Variants in ARHGEF18 observed in about 807,000 individuals in gnomAD.
The protein encoded by ARHGEF18 is rho guanine nucleotide exchange factor 18.
A neutral mutation model predicts 155.7 loss-of-function variants in ARHGEF18; 93 were observed. The ratio of observed to expected loss-of-function variants is 0.60; its 90% CI spans 0.50 to 0.71. The LOEUF (loss-of-function observed/expected upper bound fraction) is 0.71, where lower values mean the gene tolerates loss of function less well. Ranked by LOEUF, ARHGEF18 falls within the 30% of genes least tolerant of loss-of-function variation. The pLI, the probability that ARHGEF18 is intolerant of heterozygous loss-of-function variation, is 0.00. For synonymous variants in ARHGEF18, 742 were observed against 753.1 expected, an observed-to-expected ratio of 0.99 and a Z score of 0.24; for missense variants, 1,593 against 1,816.1, an observed-to-expected ratio of 0.88 and a Z score of 2.23.
Position 7,393,833 on chromosome 19 carries a change from C to T in ARHGEF18, c.967+10630C>T, listed in dbSNP as rs578059588. On this transcript the variant is annotated intron_variant, in intron 10 of 28. Transcript: ENST00000668164. ...ATGTGTTTGGGGGTATCTGCTGGAC[C>T]TATGTGGAGTGTCTGACATATTTGG... Among the ~76,000 whole-genome samples, 5 of 147,912 alleles carry T rather than the reference C, an allele frequency of 3.4e-5. No individual in the cohort carries two copies. The Admixed American group carries it at 3.4e-4, about 10-fold the overall frequency.
chr19:7,478,589 G>A, the ARHGEF18 span, among the ~76,000 whole-genome samples: 3 of 152,060 alleles, frequency 2.0e-5, no homozygotes, highest in East Asian at 1.9e-4. Context: ...CCGGGACATC[G>A]TCCTGCACTT....
In ARHGEF18 at chr19:7,401,073, A is replaced by G. The variant is rs192622429; in HGVS notation, c.967+17870A>G. Among the ~76,000 whole-genome samples the G allele has an allele frequency of 1.1e-4, 16 of 152,260 alleles. No individual in the cohort carries two copies. The East Asian group carries it at 1.7e-3, about 17-fold the overall frequency. ...ATAGTAAGTTGGGAAGTTATCCACA[A>G]TGGGGATTACTGGACTCATTAGTTC... On this transcript the variant is annotated intron_variant, in intron 10 of 28. Transcript: ENST00000668164.
intron 17 of ARHGEF18, among the ~76,000 whole-genome samples, chr19:7,454,475 C>T (rs958605328): frequency 4.0e-5 from 6 of 151,026 alleles, no homozygotes; most frequent in African/African-American, 1.5e-4. Context: ...GGTGCCATCT[C>T]GGACTGGTGG....
At chr19:7,402,010 C>T (rs1373341295) in intron 10 of ARHGEF18, among the ~76,000 whole-genome samples, 1 of 152,180 alleles carries the variant, frequency 6.6e-6, no homozygotes, top group East Asian at 1.9e-4. Flanking sequence ...ATGTATACAA[C>T]AGGCAAATCC....
intron 16 of ARHGEF18, 65 bp downstream of exon 16, chr19:7,451,331 C>A: frequency 7.2e-7 from 1 of 1,383,550 alleles, no homozygotes; most frequent in Non-Finnish European, 1.0e-6. Flanking sequence ...CTCCGTGTAC[C>A]CACTCCCTAT....
intron 10 of ARHGEF18, among the ~76,000 whole-genome samples, chr19:7,396,835 A>G: frequency 6.6e-6 from 1 of 152,122 alleles, no homozygotes; most frequent in East Asian, 1.9e-4. Flanking sequence ...CCATCTTTAA[A>G]ATGGGAATAA....
intron 2 of ARHGEF18, among the ~76,000 whole-genome samples, chr19:7,370,723 A>G (rs1233096586): frequency 6.6e-6 from 1 of 152,044 alleles, no homozygotes; most frequent in Non-Finnish European, 1.5e-5. Context: ...CCATCCACAC[A>G]ATGGAATACA....
At chr19:7,412,948 T>G (rs1972781905) in intron 10 of ARHGEF18, among the ~76,000 whole-genome samples, 1 of 152,190 alleles carries the variant, frequency 6.6e-6, no homozygotes, top group Admixed American at 6.6e-5. Flanking sequence ...ATTGTTGAGT[T>G]GGAGGAGTCC....
chr19:7,375,879 A>G lies in ARHGEF18; in HGVS notation c.426+9A>G, dbSNP rs1447787978. The stretch of plus-strand genomic sequence containing the variant: ...CAGAGAGCCCAGGCAAGGTGGGTAT[A>G]ACCTGCAGCCACCCCTGACAATAGC... On this transcript the variant is annotated intron_variant, in intron 4 of 28. Coordinates refer to ENST00000668164, the MANE Select transcript of ARHGEF18 (RefSeq NM_001367823.1). 87 of 1,234,276 alleles carry G rather than the reference A, an allele frequency of 7.0e-5. No individual in the cohort carries two copies. Among genetic ancestry groups the G allele is most frequent in the Non-Finnish European group, 7.6e-5 (75 of 988,216 alleles). The allele number at this position is 1,234,276 out of a possible 1,614,324, so 76.5% of individuals were successfully genotyped here.
intron 10 of ARHGEF18, among the ~76,000 whole-genome samples, chr19:7,412,196 C>G (rs567652074): frequency 2.0e-5 from 3 of 151,824 alleles, no homozygotes; most frequent in Admixed American, 2.0e-4. Flanking sequence ...CCACCACACC[C>G]GGCTAATTTT....
In ARHGEF18 at chr19:7,440,139, A is replaced by G; in HGVS notation, c.968-205A>G. On this transcript the variant is annotated intron_variant, in intron 10 of 28. Coordinates refer to ENST00000668164, the MANE Select transcript of ARHGEF18 (RefSeq NM_001367823.1). The surrounding 1 kb of genome is among the most constrained non-coding windows in gnomAD (Gnocchi z 5.4). ...GCACTCCAAAAGCGGGGACAGGCACAGCGCGCTCCCCGGCCGCCCCGAGCT... is the reference window on the plus strand; with the variant it reads ...GCACTCCAAAAGCGGGGACAGGCACGGCGCGCTCCCCGGCCGCCCCGAGCT... The G allele has an allele frequency of 6.4e-7, 1 of 1,551,168 alleles. No individual in the cohort carries two copies. Among genetic ancestry groups the G allele is most frequent in the Non-Finnish European group, 8.7e-7 (1 of 1,146,914 alleles).
At chr19:7,461,020 C>T (rs1976213692) in intron 20 of ARHGEF18, among the ~76,000 whole-genome samples, 1 of 151,842 alleles carries the variant, frequency 6.6e-6, no homozygotes, top group Non-Finnish European at 1.5e-5. Context: ...ATCTCTCGAC[C>T]TCGTGATCTG....
In ARHGEF18 at chr19:7,444,091, G is replaced by A; in HGVS notation, c.1361-113G>A. On this transcript the variant is annotated intron_variant, in intron 13 of 28. Coordinates refer to ENST00000668164, the MANE Select transcript of ARHGEF18 (RefSeq NM_001367823.1). The surrounding 1 kb of genome is among the most constrained non-coding windows in gnomAD (Gnocchi z 4.7). ...AAGATCCCAAAGGCACAAGGTCTTA[G>A]GCAGAGAACTCTCAGAAGCCAGTTC... 7.2e-7 allele frequency: 1 copy of A among 1,393,456 alleles called. No individual in the cohort carries two copies. The highest frequency in any genetic ancestry group is 9.8e-7 in the Non-Finnish European group (1 of 1,015,774). 86.3% of individuals were successfully genotyped at this position (1,393,456 alleles called of 1,614,324 possible). A position where few individuals can be genotyped will look rare whatever the true frequency, so the allele number is the denominator to read the frequency against.
chr19:7,404,079 AAG>A (rs1409513100), intron 10 of ARHGEF18, among the ~76,000 whole-genome samples: 1 of 152,020 alleles, frequency 6.6e-6, no homozygotes, highest in Non-Finnish European at 1.5e-5. Flanking sequence ...AAAAAAAAAA[AAG>A]AGATCCTCCT....
At chr19:7,427,062 G>C (rs190189279) in intron 10 of ARHGEF18, among the ~76,000 whole-genome samples, 1 of 152,252 alleles carries the variant, frequency 6.6e-6, no homozygotes, top group Admixed American at 6.5e-5. Flanking sequence ...TCGTAAGCTC[G>C]AGGTGGGGAA....
chr19:7,470,545 T>G lies in ARHGEF18; in HGVS notation c.*247T>G. 1 of 405,206 alleles carries G rather than the reference T, an allele frequency of 2.5e-6. No homozygotes were observed. Among genetic ancestry groups the G allele is most frequent in the Non-Finnish European group, 4.3e-6 (1 of 233,064 alleles). The allele number at this position is 405,206 out of a possible 1,614,324, so 25.1% of individuals were successfully genotyped here. ...TTTTTTTTTTCAAAAAGGAAAGTTT[T>G]TAATGGAAAGTTGAGCCAGAACTAA... On this transcript the variant is annotated 3_prime_UTR_variant, in exon 29 of 29. Transcript: ENST00000668164. The surrounding 1 kb of genome is among the most constrained non-coding windows in gnomAD (Gnocchi z 5.9).
chr19:7,413,094 A>C (rs915886349), intron 10 of ARHGEF18, among the ~76,000 whole-genome samples: 1 of 152,016 alleles, frequency 6.6e-6, no homozygotes, highest in Admixed American at 6.6e-5. Context: ...ACCACGTCCC[A>C]CACCATATTT....
At chr19:7,396,733 C>T (rs1484286076) in intron 10 of ARHGEF18, among the ~76,000 whole-genome samples, 1 of 150,964 alleles carries the variant, frequency 6.6e-6, no homozygotes, top group South Asian at 2.1e-4. Context: ...AAAGAAGTGT[C>T]AGGAGCACAG....
At chr19:7,401,869 C>G (rs1040500045) in intron 10 of ARHGEF18, among the ~76,000 whole-genome samples, 1 of 152,092 alleles carries the variant, frequency 6.6e-6, no homozygotes, top group Non-Finnish European at 1.5e-5. Flanking sequence ...AAATGTGGTC[C>G]CGCCATACTG....
Sources: allele counts gnomAD v4.1 joint callset (sites outside exome capture counted in the v4.1 genomes callset), GRCh38; gene constraint gnomAD v4.1.1; non-coding constraint Gnocchi (gnomAD v3.1); transcripts MANE v1.5; gene names NCBI Gene and HGNC (gene_info 2026-07-23, HGNC 2026-07-21).